The following CDH18 variants were observed in gnomAD, a reference collection of about 807,000 sequenced individuals.
CDH18 encodes the protein cadherin-18.
CDH18 carries 31 observed loss-of-function variants against 67.9 expected under a neutral mutation model. The ratio of observed to expected loss-of-function variants is 0.46; its 90% CI spans 0.34 to 0.62. The LOEUF (loss-of-function observed/expected upper bound fraction) is 0.62. CDH18 is among the 20% of genes least tolerant of loss of function. The pLI is 0.01. For missense variants in CDH18, 890 were observed against 975.5 expected, an observed-to-expected ratio of 0.91 and a Z score of 1.17; for synonymous variants, 362 against 347.2, an observed-to-expected ratio of 1.04 and a Z score of -0.48.
At chr5:20,133,194 A>G (rs1347375344) in intron 2 of CDH18, among the ~76,000 whole-genome samples, 1 of 152,166 alleles carries the variant, frequency 6.6e-6, no homozygotes, top group East Asian at 1.9e-4. Flanking sequence ...CTGTTCTCAC[A>G]CTGCTAATAA....
intron 7 of CDH18, among the ~76,000 whole-genome samples, chr5:19,589,335 A>G (rs1298385832): frequency 2.0e-5 from 3 of 152,120 alleles, no homozygotes; most frequent in African/African-American, 7.2e-5. Flanking sequence ...TATTATTTGA[A>G]GATTTCCTCC....
chr5:20,569,073 A>G (rs1282746253), intron 1 of CDH18, among the ~76,000 whole-genome samples: 1 of 152,310 alleles, frequency 6.6e-6, no homozygotes, highest in South Asian at 2.1e-4. Context: ...CTATTATACT[A>G]TAACTGCATG....
chr5:20,535,716 T>G (rs569740758), intron 1 of CDH18, among the ~76,000 whole-genome samples: 3 of 152,270 alleles, frequency 2.0e-5, no homozygotes, highest in Non-Finnish European at 4.4e-5. Context: ...TTTTACCTAA[T>G]GAATTCTGAT....
chr5:19,519,810 C>A (rs939186944), intron 10 of CDH18, among the ~76,000 whole-genome samples: 7 of 152,044 alleles, frequency 4.6e-5, no homozygotes, highest in African/African-American at 1.7e-4. Flanking sequence ...TCTTGACTTT[C>A]TCGGGTCTGT....
At chr5:20,305,509 C>A (rs1736344425) in intron 1 of CDH18, 4 of 1,006,048 alleles carry the variant, frequency 4.0e-6, no homozygotes, top group African/African-American at 1.6e-5. Flanking sequence ...CCGCGAAACC[C>A]GGGGCGCAGC....
intron 5 of CDH18, among the ~76,000 whole-genome samples, chr5:19,658,759 A>G (rs4286674): frequency 0.9 from 136,695 of 151,526 alleles, 62,295 homozygotes; most frequent in Non-Finnish European, 0.96. Flanking sequence ...CCATTAACTC[A>G]TCATTTAACA....
At chr5:19,904,366 G>A (rs1196497668) in intron 2 of CDH18, among the ~76,000 whole-genome samples, 18 of 143,410 alleles carry the variant, frequency 1.3e-4, no homozygotes, top group Admixed American at 7.0e-4. Flanking sequence ...GGAAGGGAAG[G>A]GGTGGAGAGG....
intron 1 of CDH18, among the ~76,000 whole-genome samples, chr5:20,355,239 G>C (rs1741519341): frequency 6.6e-6 from 1 of 152,184 alleles, no homozygotes; most frequent in Non-Finnish European, 1.5e-5. Flanking sequence ...CAAGATGAGG[G>C]AGGGCAGTAT....
At chr5:19,874,603 T>C (rs550230343) in intron 2 of CDH18, among the ~76,000 whole-genome samples, 1 of 152,332 alleles carries the variant, frequency 6.6e-6, no homozygotes, top group South Asian at 2.1e-4. Context: ...AATTTAGATT[T>C]GTTCCTTATT....
At chr5:20,287,801 C>T (rs1205921703) in intron 1 of CDH18, among the ~76,000 whole-genome samples, 2 of 151,578 alleles carry the variant, frequency 1.3e-5, no homozygotes, top group Non-Finnish European at 3.0e-5. Flanking sequence ...TGTGACTTCT[C>T]GGTATCACAT....
intron 5 of CDH18, among the ~76,000 whole-genome samples, chr5:19,672,136 T>C (rs918204917): frequency 6.6e-6 from 1 of 152,130 alleles, no homozygotes; most frequent in Non-Finnish European, 1.5e-5. Flanking sequence ...TAGAATCCAA[T>C]TCCACAGCTG....
At chr5:19,517,541 T>C (rs1380636215) in intron 10 of CDH18, among the ~76,000 whole-genome samples, 1 of 152,244 alleles carries the variant, frequency 6.6e-6, no homozygotes, top group East Asian at 1.9e-4. Flanking sequence ...TTATCTTAGG[T>C]CCTGTGATTT....
intron 2 of CDH18, among the ~76,000 whole-genome samples, chr5:20,113,058 T>C (rs1747613550): frequency 6.6e-6 from 1 of 152,216 alleles, no homozygotes. Context: ...GGAGACCCAG[T>C]TCTTTAGTTC....
intron 2 of CDH18, among the ~76,000 whole-genome samples, chr5:20,163,671 CT>C (rs1736063925): frequency 6.6e-6 from 1 of 152,158 alleles, no homozygotes; most frequent in South Asian, 2.1e-4. Context: ...AGCTATCCCC[CT>C]GGTAGAGAAA....
rs548683576 is a variant in CDH18, at chr5:19,673,935, A to T, written c.643+47412T>A. ...AGTCTTACTTCACAACTATTATATA[A>T]ACCACATCTTTATTTTTTTAATCAC... is the stretch of plus-strand genomic sequence containing the variant. On this transcript the variant is annotated intron_variant, in intron 5 of 12. Transcript: ENST00000382275. Among the ~76,000 whole-genome samples, 12 of 152,202 alleles carry T rather than the reference A, an allele frequency of 7.9e-5. No homozygotes were observed. The South Asian group carries it at 2.5e-3, about 32-fold the overall frequency.
intron 1 of CDH18, among the ~76,000 whole-genome samples, chr5:20,337,305 C>T (rs1458094336): frequency 6.6e-6 from 1 of 152,178 alleles, no homozygotes; most frequent in Non-Finnish European, 1.5e-5. Flanking sequence ...TTTCTATTCA[C>T]ATTGTCAGGC....
At chr5:19,627,530 A>AATGT (rs1355886325) in intron 5 of CDH18, among the ~76,000 whole-genome samples, 15 of 152,214 alleles carry the variant, frequency 9.9e-5, no homozygotes, top group Non-Finnish European at 2.1e-4. Flanking sequence ...AGTTCAGTAA[A>AATGT]AATCAATGTA....
At chr5:20,088,021 C>T (rs1674810528) in intron 2 of CDH18, among the ~76,000 whole-genome samples, 1 of 152,144 alleles carries the variant, frequency 6.6e-6, no homozygotes, top group South Asian at 2.1e-4. Context: ...AGAAACGTAT[C>T]ACTAGATTGT....
intron 5 of CDH18, among the ~76,000 whole-genome samples, chr5:19,639,332 G>C (rs781656861): frequency 7.2e-5 from 11 of 152,136 alleles, no homozygotes; most frequent in Non-Finnish European, 1.5e-4. Context: ...TAGTAAGGAA[G>C]TGCGAAGATG....
Sources: gnomAD v4.1 joint callset for allele counts (sites outside exome capture counted in the v4.1 genomes callset) on GRCh38, gnomAD v4.1.1 for gene constraint, MANE v1.5 for transcripts, NCBI Gene and HGNC (gene_info 2026-07-23, HGNC 2026-07-21) for gene names.